TMEM41B: variants seen among roughly 807,000 people sequenced by gnomAD.
TMEM41B encodes protein stasimon.
TMEM41B carries 18 observed loss-of-function variants against 31.9 expected under a neutral mutation model. That is an observed-to-expected ratio of 0.56 (90% CI 0.39 to 0.84). The LOEUF (loss-of-function observed/expected upper bound fraction) is 0.84, where lower values mean the gene tolerates loss of function less well. Among genes scored for constraint, TMEM41B ranks in the 40% least tolerant of loss-of-function variants. The pLI is 0.00. For missense variants in TMEM41B, 322 were observed against 348.0 expected (o/e 0.93, Z 0.59); for synonymous variants, 144 against 124.3 (o/e 1.16, Z -1.05).
intron 3 of TMEM41B, among the ~76,000 whole-genome samples, chr11:9,290,160 C>G (rs989366591): frequency 1.3e-5 from 2 of 152,044 alleles, no homozygotes; most frequent in Non-Finnish European, 2.9e-5. Context: ...GCAGGCGGAT[C>G]ACAAAGTCAG....
intron 4 of TMEM41B, among the ~76,000 whole-genome samples, 184 bp downstream of exon 4, chr11:9,288,258 T>C (rs1431116535): frequency 1.3e-5 from 2 of 152,160 alleles, no homozygotes; most frequent in East Asian, 3.8e-4. Context: ...TGCAACTAAG[T>C]CTATAATTGG....
At chr11:9,303,261 C>A (rs565045546) in intron 1 of TMEM41B, among the ~76,000 whole-genome samples, 46 of 152,122 alleles carry the variant, frequency 3.0e-4, no homozygotes, top group African/African-American at 1.1e-3. Flanking sequence ...GCCTCAGCCT[C>A]CCAAGTAGCC....
chr11:9,288,684 A>C, intron 3 of TMEM41B, 149 bp from the exon 4 acceptor site: 1 of 549,364 alleles, frequency 1.8e-6, no homozygotes, highest in Non-Finnish European at 3.1e-6. Flanking sequence ...CCATTTACTA[A>C]ACAGTATCAT....
At chr11:9,293,431 G>T (rs890529651) in intron 3 of TMEM41B, among the ~76,000 whole-genome samples, 1 of 148,350 alleles carries the variant, frequency 6.7e-6, no homozygotes, top group African/African-American at 2.5e-5. Context: ...AATATAACAA[G>T]ATACTTATGT....
chr11:9,306,288 T>C (rs943637481), intron 1 of TMEM41B, among the ~76,000 whole-genome samples: 3 of 151,914 alleles, frequency 2.0e-5, no homozygotes, highest in Admixed American at 6.6e-5. Context: ...CAGTACTCTG[T>C]ATTTAGTAAC....
intron 1 of TMEM41B, among the ~76,000 whole-genome samples, chr11:9,304,607 T>G (rs1305206776): frequency 6.6e-6 from 1 of 151,974 alleles, no homozygotes; most frequent in Non-Finnish European, 1.5e-5. Context: ...TGCCTCAGCC[T>G]CCTGACTAGC....
At position 9,288,507 on chromosome 11, in the gene TMEM41B, T is replaced by C. The variant is rs762327555; in HGVS notation, c.397A>G (p.Ile133Val). 1.7e-5 allele frequency: 27 copies of C among 1,593,420 alleles called. No individual in the cohort carries two copies. Among genetic ancestry groups the C allele is most frequent in the South Asian group, 1.5e-4 (13 of 85,972 alleles). ...FLQTFAIPGS[I>V]FLSILSGFLY... ...AACCCTGAGAGTATACTGAGAAATA[T>C]AGAGCCTGGAATAGCAAATGTTTGC... is the stretch of plus-strand genomic sequence containing the variant. Residue 133 changes from isoleucine (I) to valine (V), a missense_variant, in exon 4 of 7, where the codon ATA becomes GTA. Physicochemically the swap from Ile to Val is conservative, Grantham distance 29. Transcript: ENST00000528080.
chr11:9,308,949 TATGAAA>T (rs1853464910), intron 1 of TMEM41B, among the ~76,000 whole-genome samples: 1 of 152,036 alleles, frequency 6.6e-6, no homozygotes, highest in African/African-American at 2.4e-5. Context: ...CAAATCAAGA[TATGAAA>T]AATCTGATCC....
chr11:9,304,235 A>G (rs1048244397), intron 1 of TMEM41B, among the ~76,000 whole-genome samples: 10 of 152,332 alleles, frequency 6.6e-5, no homozygotes, highest in African/African-American at 2.2e-4. Flanking sequence ...GTCAAACATG[A>G]AAAGGTCTCT....
At chr11:9,310,825 T>C (rs952842925) in intron 1 of TMEM41B, among the ~76,000 whole-genome samples, 3 of 152,138 alleles carry the variant, frequency 2.0e-5, no homozygotes, top group Admixed American at 6.6e-5. Context: ...CCCAGCAACC[T>C]TGCAGTTAGT....
chr11:9,302,585 G>A lies in TMEM41B; in HGVS notation c.122-2884C>T, dbSNP rs567449340. On this transcript the variant is annotated intron_variant, in intron 1 of 6. Transcript: ENST00000528080. ...TGGCACTACAGGCATGTAACACTGA[G>A]CCCTGACTAGATATTACTAAATTCT... Among the ~76,000 whole-genome samples, 2 of 99,306 alleles carry A rather than the reference G, an allele frequency of 2.0e-5. 1 individual carries two copies. The highest frequency in any genetic ancestry group is 1.9e-4 in the Admixed American group (2 of 10,300). 65.1% of individuals were successfully genotyped at this position (99,306 alleles called of 152,430 possible).
intron 3 of TMEM41B, among the ~76,000 whole-genome samples, chr11:9,292,492 A>G (rs1036751890): frequency 6.6e-6 from 1 of 152,178 alleles, no homozygotes; most frequent in Admixed American, 6.5e-5. Flanking sequence ...AATATTTTAC[A>G]ACATTATTAC....
intron 1 of TMEM41B, among the ~76,000 whole-genome samples, chr11:9,309,146 C>G (rs1329358064): frequency 2.0e-5 from 3 of 152,052 alleles, no homozygotes; most frequent in Non-Finnish European, 4.4e-5. Context: ...ACTGGGGAGG[C>G]TGAGGCGGAG....
At chr11:9,288,103 ACCCTACCCCCGAC>A (rs1214000813) in intron 4 of TMEM41B, 9 of 313,630 alleles carry the variant, frequency 2.9e-5, no homozygotes, top group African/African-American at 1.2e-4. Context: ...CCTCCCCCCG[ACCCTACCCCCGAC>A]CCCCCCAGTT....
At chr11:9,295,237 A>C (rs1853054799) in intron 3 of TMEM41B, 22 bp downstream of exon 3, 1 of 1,496,182 alleles carries the variant, frequency 6.7e-7, no homozygotes, top group Non-Finnish European at 9.0e-7. Context: ...ATTAGAAAAC[A>C]TTTTTTCAGT....
rs1265624082 is a variant in TMEM41B at position 9,282,502 on chromosome 11, A to C, written c.*922T>G. 6.6e-6 allele frequency: 1 copy of C among 152,182 alleles called. No homozygotes were observed. The highest frequency in any genetic ancestry group is 6.5e-5 in the Admixed American group (1 of 15,272). The allele number at this position is 152,182 out of a possible 1,614,324, so 9.4% of individuals were successfully genotyped here. ...AGAAAACCGACTGGCCAGAACTTTA[A>C]ATTTCAGACTAATCCATGATAAAAA... is the stretch of plus-strand genomic sequence containing the variant. On this transcript the variant is annotated 3_prime_UTR_variant, in exon 7 of 7. Coordinates refer to ENST00000528080, the MANE Select transcript of TMEM41B (RefSeq NM_015012.4).
chr11:9,313,809 T>G (rs1853620642), intron 1 of TMEM41B, among the ~76,000 whole-genome samples: 1 of 152,130 alleles, frequency 6.6e-6, no homozygotes, highest in Non-Finnish European at 1.5e-5. Context: ...ACACTGAGCT[T>G]TTTTTGAAAG....
At chr11:9,312,701 C>G (rs1288117634) in intron 1 of TMEM41B, among the ~76,000 whole-genome samples, 1 of 151,890 alleles carries the variant, frequency 6.6e-6, no homozygotes, top group Admixed American at 6.6e-5. Context: ...GTCAGGAGAT[C>G]GAGACCATCC....
Position 9,299,699 on chromosome 11 carries a change from T to C in TMEM41B, c.124A>G (p.Lys42Glu). The C allele has an allele frequency of 6.3e-7, 1 of 1,594,820 alleles. No homozygotes were observed. The highest frequency in any genetic ancestry group is 8.5e-7 in the Non-Finnish European group (1 of 1,170,834). The change falls in exon 2 of 7, where the codon AAA (lysine) becomes GAA (glutamate). Residue 42 changes from lysine to glutamate, a missense_variant and splice_region_variant. Around this residue, in one of 3 missense-constraint regions of TMEM41B, gnomAD observed 183 missense variants for 175.3 expected, o/e 1.04. Transcript: ENST00000528080. ...GCTGATCCAGCTTCTACCCAGGATT[T>C]TTCTGGAAGAAAAAAGAAAGTATAA... Reference protein sequence around the residue: ...APGSRDHQKEKSWVEAGSARM... With the variant: ...APGSRDHQKEESWVEAGSARM...
Sources: gnomAD v4.1 joint callset for allele counts (sites outside exome capture counted in the v4.1 genomes callset) on GRCh38, gnomAD v4.1.1 for gene constraint, gnomAD v4.1.1 regional missense constraint, MANE v1.5 for transcripts, NCBI Gene and HGNC (gene_info 2026-07-23, HGNC 2026-07-21) for gene names.